Variants in LRP1 observed in about 807,000 individuals in gnomAD.
The protein encoded by LRP1 is LDL receptor related protein 1, also known as prolow-density lipoprotein receptor-related protein 1.
LRP1 carries 51 observed loss-of-function variants against 541.5 expected under a neutral mutation model. The observed-to-expected ratio is 0.09, with a 90% CI of 0.08 to 0.12. The LOEUF (loss-of-function observed/expected upper bound fraction) is 0.12. Ranked by LOEUF, LRP1 falls within the 10% of genes least tolerant of loss-of-function variation. The pLI is 1.00. For missense variants in LRP1, 3,878 were observed against 6,376.2 expected (o/e 0.61, Z 13.34); for synonymous variants, 2,219 against 2,470.8 (o/e 0.90, Z 3.02).
rs199834508 is a variant in LRP1, at chr12:57,194,586, G to A, written c.8078G>A (p.Arg2693His). 14 of 1,612,228 alleles carry A rather than the reference G, an allele frequency of 8.7e-6. No individual in the cohort carries two copies. The highest frequency in any genetic ancestry group is 1.7e-5 in the Admixed American group (1 of 59,926). Residue 2693 changes from arginine to histidine, a missense_variant, in exon 50 of 89, where the codon CGC becomes CAC. This residue lies in a region of LRP1 where 1,100 missense variants were observed against 1,827.4 expected (regional missense o/e 0.60). Transcript: ENST00000243077. ...CTGCCTCGCCCCCCAGGTGTGAAAC[G>A]CCCCAGATGCCCTCTGAATTACTTC... ...SDERDCPGVK[R>H]PRCPLNYFAC... is the part of the protein sequence containing the mutation.
chr12:57,163,100 CT>C, intron 15 of LRP1, 117 bp downstream of exon 15: 1 of 1,386,398 alleles, frequency 7.2e-7, no homozygotes, highest in Non-Finnish European at 9.5e-7. Context: ...ATGAGGGGCC[CT>C]TAGGGGGCCA....
In LRP1 at chr12:57,211,081, C is replaced by A; in HGVS notation, c.12917-95C>A. The A allele has an allele frequency of 1.4e-6, 2 of 1,462,958 alleles. No homozygotes were observed. Among genetic ancestry groups the A allele is most frequent in the South Asian group, 1.2e-5 (1 of 80,328 alleles). 90.6% of individuals were successfully genotyped at this position (1,462,958 alleles called of 1,614,324 possible). A position where few individuals can be genotyped will look rare whatever the true frequency, so the allele number is the denominator to read the frequency against. ...TTCCCCTGAGGCAGTGCACCCCCTG[C>A]ACCAAGATTATGCAAACAGAAAAGC... On this transcript the variant is annotated intron_variant, in intron 83 of 88. Coordinates refer to ENST00000243077, the MANE Select transcript of LRP1 (RefSeq NM_002332.3). This position sits in a 1 kb window ranked among gnomAD's most constrained non-coding sequence, Gnocchi z 4.3.
chr12:57,198,049 G>A (rs1277755639), intron 58 of LRP1, 107 bp from the exon 59 acceptor site: 2 of 917,938 alleles, frequency 2.2e-6, no homozygotes, highest in Non-Finnish European at 1.6e-6. Flanking sequence ...AGAGCTGTCA[G>A]AGGGAGCTCT....
rs2036557837 is a variant in LRP1, at chr12:57,197,348, C to G, written c.9126C>G (p.Leu3042=). ...CCAACCGGTACTACCTGCGCAAGCT[C>G]AACCTGGACGGGTCCAACTACACGT... is the stretch of plus-strand genomic sequence containing the variant. The part of the protein sequence containing the change: ...IFANRYYLRK[L]NLDGSNYTLL... Residue 3042 remains leucine (L), a synonymous_variant, in exon 57 of 89, where the codon CTC becomes CTG. Coordinates refer to ENST00000243077, the MANE Select transcript of LRP1 (RefSeq NM_002332.3). The surrounding 1 kb of genome is among the most constrained non-coding windows in gnomAD (Gnocchi z 4.5). 12 of 1,613,934 alleles carry G rather than the reference C, an allele frequency of 7.4e-6. No individual in the cohort carries two copies. The highest frequency in any genetic ancestry group is 9.3e-6 in the Non-Finnish European group (11 of 1,179,966).
At chr12:57,130,899 A>G (rs1014958465) in intron 1 of LRP1, among the ~76,000 whole-genome samples, 3 of 152,114 alleles carry the variant, frequency 2.0e-5, no homozygotes, top group Non-Finnish European at 2.9e-5. Context: ...CCAAAGCCCC[A>G]GGAGAGGACC....
intron 33 of LRP1, 141 bp downstream of exon 33, chr12:57,180,948 C>A: frequency 7.7e-7 from 1 of 1,299,968 alleles, no homozygotes; most frequent in Non-Finnish European, 1.1e-6. Context: ...TGTTTCCTTA[C>A]CACAAAGGCG....
intron 44 of LRP1, among the ~76,000 whole-genome samples, chr12:57,192,185 C>T (rs1489023109): frequency 1.3e-5 from 2 of 151,844 alleles, no homozygotes; most frequent in African/African-American, 4.8e-5. Flanking sequence ...CCTGGTCCTG[C>T]TCTCCCTGGG....
intron 44 of LRP1, among the ~76,000 whole-genome samples, chr12:57,192,317 T>C (rs1394267753): frequency 6.6e-6 from 1 of 151,810 alleles, no homozygotes; most frequent in Non-Finnish European, 1.5e-5. Context: ...ACGCCTGGCA[T>C]CTCCTCCACG....
In LRP1 at chr12:57,185,829, C is replaced by T; in HGVS notation, c.6762C>T (p.Arg2254=). ...RAGTSPGTPN[R]IFFSDIHFGN... Reference sequence around the variant, plus strand: ...GCACCTCTCCGGGCACCCCCAATCGCATCTTCTTCAGCGACATCCACTTTG... The same window carrying T: ...GCACCTCTCCGGGCACCCCCAATCGTATCTTCTTCAGCGACATCCACTTTG... Residue 2254 remains arginine (R), a synonymous_variant, in exon 41 of 89, where the codon CGC becomes CGT. Transcript: ENST00000243077. This position sits in a 1 kb window ranked among gnomAD's most constrained non-coding sequence, Gnocchi z 4.9. The T allele has an allele frequency of 6.2e-7, 1 of 1,614,204 alleles. No homozygotes were observed. The highest frequency in any genetic ancestry group is 1.3e-5 in the African/African-American group (1 of 75,048).
intron 13 of LRP1, 107 bp downstream of exon 13, chr12:57,161,222 C>T (rs775066738): frequency 2.7e-5 from 28 of 1,018,522 alleles, no homozygotes; most frequent in Non-Finnish European, 4.1e-5. Flanking sequence ...TGTGTCCAGG[C>T]CTGTGTGCCT....
At chr12:57,140,658 A>T (rs1034917037) in intron 2 of LRP1, among the ~76,000 whole-genome samples, 1 of 152,178 alleles carries the variant, frequency 6.6e-6, no homozygotes, top group African/African-American at 2.4e-5. Flanking sequence ...CCTGGGAGCT[A>T]TGGGAAGGAG....
chr12:57,155,191 C>A, intron 8 of LRP1: 1 of 238,828 alleles, frequency 4.2e-6, no homozygotes, highest in Non-Finnish European at 8.2e-6. Flanking sequence ...GTCTGGTAAG[C>A]CAGCAAACCC....
chr12:57,187,231 C>T (rs923230450), intron 41 of LRP1, 36 bp from the exon 42 acceptor site: 2 of 1,589,574 alleles, frequency 1.3e-6, no homozygotes, highest in African/African-American at 2.7e-5. Context: ...GCCCTCTGGG[C>T]CCTCCTGACA....
Position 57,194,564 on chromosome 12 carries a change from C to T in LRP1, c.8069-13C>T. The T allele has an allele frequency of 7.4e-6, 12 of 1,612,564 alleles. No individual in the cohort carries two copies. The highest frequency in any genetic ancestry group is 2.2e-5 in the East Asian group (1 of 44,858). ...GCGGTGAGCAGGGCCCTCACACCTG[C>T]CTCGCCCCCCAGGTGTGAAACGCCC... is the stretch of plus-strand genomic sequence containing the variant. On this transcript the variant is annotated splice_polypyrimidine_tract_variant and intron_variant, in intron 49 of 88. Transcript: ENST00000243077.
chr12:57,188,751 G>A lies in LRP1; in HGVS notation c.7031+1295G>A, dbSNP rs187244413. On this transcript the variant is annotated intron_variant, in intron 42 of 88. Transcript: ENST00000243077. Reference sequence around the variant, plus strand: ...AAGAAGGTGCAGAGGACCCAGTGGGGAGCGCGAGGGGCGTCATGAAGAGCT... The same window carrying A: ...AAGAAGGTGCAGAGGACCCAGTGGGAAGCGCGAGGGGCGTCATGAAGAGCT... 4.8e-3 allele frequency among the ~76,000 whole-genome samples: 726 copies of A among 152,350 alleles called. 2 individuals are homozygous for A. Among genetic ancestry groups the A allele is most frequent in the South Asian group, 0.014 (68 of 4,828 alleles).
intron 3 of LRP1, among the ~76,000 whole-genome samples, chr12:57,142,251 G>T (rs1183596106): frequency 2.6e-5 from 4 of 152,246 alleles, no homozygotes; most frequent in Non-Finnish European, 2.9e-5. Flanking sequence ...GGGAATAGTG[G>T]CTTCTCCCTT....
At position 57,145,304 on chromosome 12, in the gene LRP1, G is replaced by T. The variant is rs2035380839; in HGVS notation, c.655G>T (p.Val219Leu). Reference sequence around the variant, plus strand: ...GGCCACGTACCTGAGTGGGGCCCAGGTGTCTACCATCACACCTACGAGCAC... The same window carrying T: ...GGCCACGTACCTGAGTGGGGCCCAGTTGTCTACCATCACACCTACGAGCAC... ...ILATYLSGAQVSTITPTSTRQ... is the reference protein window; with the variant it reads ...ILATYLSGAQLSTITPTSTRQ... Residue 219 changes from valine (V) to leucine (L), a missense_variant, in exon 6 of 89, where the codon GTG becomes TTG. Physicochemically the swap from Val to Leu is conservative, Grantham distance 32. Around this residue, in one of 13 missense-constraint regions of LRP1, gnomAD observed 293 missense variants for 403.7 expected, o/e 0.73. Transcript: ENST00000243077. 1.2e-6 allele frequency: 2 copies of T among 1,614,128 alleles called. No individual in the cohort carries two copies. Among genetic ancestry groups the T allele is most frequent in the Non-Finnish European group, 1.7e-6 (2 of 1,180,014 alleles).
At position 57,128,865 on chromosome 12, in the gene LRP1, G is replaced by A. The variant is rs2034972348; in HGVS notation, c.-100G>A. The A allele has an allele frequency of 3.0e-6, 3 of 990,096 alleles. No homozygotes were observed. Among genetic ancestry groups the A allele is most frequent in the East Asian group, 2.7e-5 (1 of 37,282 alleles). 61.3% of individuals were successfully genotyped at this position (990,096 alleles called of 1,614,324 possible). A position where few individuals can be genotyped will look rare whatever the true frequency, so the allele number is the denominator to read the frequency against. ...AAGAATAAGAACAGAGAAGGAGGAG[G>A]GGGAAAGGAGGAAAAGGGGGACCCC... On this transcript the variant is annotated 5_prime_UTR_variant, in exon 1 of 89. Transcript: ENST00000243077.
Position 57,198,665 on chromosome 12 carries a change from A to G in LRP1, c.9671A>G (p.His3224Arg). The G allele has an allele frequency of 6.2e-7, 1 of 1,607,678 alleles. No individual in the cohort carries two copies. The highest frequency in any genetic ancestry group is 8.5e-7 in the Non-Finnish European group (1 of 1,177,378). ...EFASLDGSNR[H>R]VVLSQDIPHI... Reference sequence around the variant, plus strand: ...GCCAGCCTGGATGGCTCCAATCGCCACGTTGGTCAGTGTGCCAGTGAGGCT... The same window carrying G: ...GCCAGCCTGGATGGCTCCAATCGCCGCGTTGGTCAGTGTGCCAGTGAGGCT... The change falls in exon 60 of 89, where the codon CAC (histidine) becomes CGC (arginine). Residue 3224 changes from histidine to arginine, a missense_variant. This residue lies in a region of LRP1 where 1,100 missense variants were observed against 1,827.4 expected (regional missense o/e 0.60). Transcript: ENST00000243077.
Sources: gnomAD v4.1 joint callset for allele counts (sites outside exome capture counted in the v4.1 genomes callset) on GRCh38, gnomAD v4.1.1 for gene constraint, gnomAD v4.1.1 regional missense constraint, Gnocchi (gnomAD v3.1) non-coding constraint, MANE v1.5 for transcripts, NCBI Gene and HGNC (gene_info 2026-07-23, HGNC 2026-07-21) for gene names.